Variants in ZAN observed in about 807,000 individuals in gnomAD.
ZAN encodes the protein zonadhesin, also known as zonadhesin (gene/pseudogene).
Under a neutral mutation model 286.2 loss-of-function variants are expected in ZAN, and 260 were observed. The ratio of observed to expected loss-of-function variants is 0.91; its 90% CI spans 0.82 to 1.01. The LOEUF is 1.01. Among genes scored for constraint, ZAN ranks in the 50% least tolerant of loss-of-function variants. ZAN has a pLI of 0.00. For synonymous variants in ZAN, 1,368 were observed against 1,417.5 expected, an observed-to-expected ratio of 0.97 and a Z score of 0.79; for missense variants, 3,410 against 3,639.2, an observed-to-expected ratio of 0.94 and a Z score of 1.62.
intron 7 of ZAN, among the ~76,000 whole-genome samples, chr7:100,744,869 G>GT (rs147306368): frequency 0.045 from 6,357 of 141,898 alleles, 409 homozygotes; most frequent in East Asian, 0.15. Flanking sequence ...GGTCTCCTTG[G>GT]TTTTTTTTTT....
At position 100,773,475 on chromosome 7, in the gene ZAN, A is replaced by G. The variant is rs1356387848; in HGVS notation, c.5616A>G (p.Pro1872=). The G allele has an allele frequency of 6.2e-7, 1 of 1,613,582 alleles. No individual in the cohort carries two copies. The highest frequency in any genetic ancestry group is 8.5e-7 in the Non-Finnish European group (1 of 1,179,862). Residue 1872 remains proline (P), a synonymous_variant, in exon 30 of 48, where the codon CCA becomes CCG. Coordinates refer to ENST00000613979, the MANE Select transcript of ZAN (RefSeq NM_003386.3). ...TTGGCCAGTGTGGCTGCACTGACCCAGCGGGCTCCTACCACCCGGTGAGAG... is the reference window on the plus strand; with the variant it reads ...TTGGCCAGTGTGGCTGCACTGACCCGGCGGGCTCCTACCACCCGGTGAGAG... ...VPLGQCGCTD[P]AGSYHPVGER...
At chr7:100,797,543 T>TG (rs771661769) in intron 46 of ZAN, 34 bp from the exon 47 acceptor site, 1 of 1,613,614 alleles carries the variant, frequency 6.2e-7, no homozygotes, top group African/African-American at 1.3e-5. Context: ...AAGGGCCACT[T>TG]GGGGACCCAT....
Position 100,736,611 on chromosome 7 carries a change from G to A in ZAN, c.235G>A (p.Gly79Arg), listed in dbSNP as rs774557339. The change falls in exon 4 of 48, where the codon GGG becomes AGG. Residue 79 changes from glycine (G) to arginine (R), a missense_variant. Around this residue, in one of 7 missense-constraint regions of ZAN, gnomAD observed 872 missense variants for 938.9 expected, o/e 0.93. Coordinates refer to ENST00000613979, the MANE Select transcript of ZAN (RefSeq NM_003386.3). ...PSPTGSTGAP[G>R]GYPNGEGSYL... ...TCCCACCGGCTCCACCGGGGCCCCCGGGGGGTACCCTAACGGAGGTGAGGG... is the reference window on the plus strand; with the variant it reads ...TCCCACCGGCTCCACCGGGGCCCCCAGGGGGTACCCTAACGGAGGTGAGGG... 139 of 1,522,396 alleles carry A rather than the reference G, an allele frequency of 9.1e-5. 25 individuals are homozygous for A. The highest frequency in any genetic ancestry group is 1.2e-4 in the Non-Finnish European group (132 of 1,107,258). 94.3% of individuals were successfully genotyped at this position (1,522,396 alleles called of 1,614,324 possible). A position where few individuals can be genotyped will look rare whatever the true frequency, so the allele number is the denominator to read the frequency against.
intron 35 of ZAN, among the ~76,000 whole-genome samples, chr7:100,782,681 T>G (rs71557205): frequency 0.044 from 4,395 of 100,064 alleles, 83 homozygotes; most frequent in Middle Eastern, 0.1. Flanking sequence ...TGGGTTTTTT[T>G]TGTGTGTGTG....
Position 100,773,869 on chromosome 7 carries a change from G to C in ZAN, c.5779+4G>C. The C allele has an allele frequency of 6.3e-7, 1 of 1,599,088 alleles. No individual in the cohort carries two copies. On this transcript the variant is annotated splice_donor_region_variant and intron_variant, in intron 31 of 47. Transcript: ENST00000613979. ...CTGCTCCATTGTCGGGCCTCAGGTA[G>C]GAGGACCACGGTGATGGGGGGACTC...
At chr7:100,758,725 G>T in intron 17 of ZAN, 75 bp downstream of exon 17, 1 of 1,523,842 alleles carries the variant, frequency 6.6e-7, no homozygotes, top group South Asian at 1.2e-5. Context: ...GGCATGGTGG[G>T]TGGCAGGAAG....
chr7:100,773,698 C>G, intron 30 of ZAN, 23 bp from the exon 31 acceptor site: 5 of 1,601,216 alleles, frequency 3.1e-6, no homozygotes, highest in Non-Finnish European at 4.3e-6. Context: ...TCTGTTGGCT[C>G]AGCTGATCCC....
At chr7:100,734,730 G>A (rs1237958841) in intron 2 of ZAN, among the ~76,000 whole-genome samples, 1 of 140,930 alleles carries the variant, frequency 7.1e-6, no homozygotes, top group Non-Finnish European at 1.6e-5. Flanking sequence ...TTCTGGGAGC[G>A]GGACAGGGCT....
chr7:100,780,893 C>T (rs1584618606), intron 35 of ZAN, among the ~76,000 whole-genome samples: 1 of 151,524 alleles, frequency 6.6e-6, no homozygotes, highest in Non-Finnish European at 1.5e-5. Flanking sequence ...AGTTTGAGAC[C>T]AACCTGGGCA....
intron 25 of ZAN, among the ~76,000 whole-genome samples, chr7:100,767,475 T>G (rs1400461037): frequency 7.2e-6 from 1 of 139,570 alleles, no homozygotes; most frequent in Non-Finnish European, 1.6e-5. Flanking sequence ...CCGTTTTTTT[T>G]TTTTTTTTTT....
chr7:100,777,158 C>G (rs1202656791), intron 34 of ZAN, among the ~76,000 whole-genome samples: 1 of 151,502 alleles, frequency 6.6e-6, no homozygotes, highest in Non-Finnish European at 1.5e-5. Context: ...ATACTCCTGC[C>G]TCAGCCTCCC....
chr7:100,761,118 T>A (rs1809543519), intron 19 of ZAN, among the ~76,000 whole-genome samples: 1 of 152,100 alleles, frequency 6.6e-6, no homozygotes, highest in African/African-American at 2.4e-5. Context: ...TGTCTCGAAC[T>A]CCTGACTTCA....
At chr7:100,747,879 C>T (rs1808338293) in intron 9 of ZAN, among the ~76,000 whole-genome samples, 1 of 151,480 alleles carries the variant, frequency 6.6e-6, no homozygotes, top group Admixed American at 6.6e-5. Context: ...GTAGTCCCAG[C>T]TACTAGGGAG....
rs74437616 is a variant in ZAN, at chr7:100,764,196, C to G, written c.4267C>G (p.Pro1423Ala). The G allele has an allele frequency of 6.5e-7, 1 of 1,546,618 alleles. No homozygotes were observed. Among genetic ancestry groups the G allele is most frequent in the Non-Finnish European group, 8.7e-7 (1 of 1,146,792 alleles). Residue 1423 changes from proline to alanine, a missense_variant and splice_region_variant, in exon 22 of 48, where the codon CCA becomes GCA. Physicochemically the swap from Pro to Ala is conservative, Grantham distance 27. This residue lies in a region of ZAN where 1,042 missense variants were observed against 1,058.0 expected (regional missense o/e 0.98). Coordinates refer to ENST00000613979, the MANE Select transcript of ZAN (RefSeq NM_003386.3). ...VKPWREPHFC[P>A]MACPPNSKYS... The stretch of plus-strand genomic sequence containing the variant: ...GCCCTGGAGGGAACCCCACTTCTGC[C>G]GTGAGTTGTGCCAAACTCAGAGGAG...
In ZAN at chr7:100,755,301, G is replaced by A; in HGVS notation, c.3200G>A (p.Gly1067Glu). Residue 1067 changes from glycine to glutamate, a missense_variant, in exon 15 of 48, where the codon GGG becomes GAG. Gly to Glu is a moderately conservative substitution (Grantham distance 98, BLOSUM62 -2). Transcript: ENST00000613979. Reference protein sequence around the residue: ...ASCKSPRPSCGPLCREGCVCN... With the variant: ...ASCKSPRPSCEPLCREGCVCN... ...TGCAAGAGCCCCAGGCCTAGCTGTG[G>A]GCCCCTCTGTCGGGAGGGCTGTGTC... is the stretch of plus-strand genomic sequence containing the variant. 1 of 1,613,854 alleles carries A rather than the reference G, an allele frequency of 6.2e-7. No homozygotes were observed. Among genetic ancestry groups the A allele is most frequent in the Non-Finnish European group, 8.5e-7 (1 of 1,179,868 alleles).
chr7:100,742,738 C>G (rs1411963204), intron 7 of ZAN, among the ~76,000 whole-genome samples: 1,555 of 61,228 alleles, frequency 0.025, 176 homozygotes, highest in African/African-American at 0.095. Flanking sequence ...TGCCTGCAAT[C>G]GCAGGCACTC....
chr7:100,776,661 C>G (rs543167818), intron 34 of ZAN, 97 bp downstream of exon 34: 1 of 875,700 alleles, frequency 1.1e-6, no homozygotes, highest in African/African-American at 1.8e-5. Context: ...CTCCCCTCCC[C>G]TCCCCTTCCT....
rs1057048159 is a variant in ZAN, at chr7:100,763,363, T to TTTTG, written c.3987-423_3987-420dup. Reference sequence around the variant, plus strand: ...GTTCTTTCAGTTGCTCAATATTCTTTTTTGTTTGTTTGTTTGTTTGTTTTT... The same window carrying TTTTG: ...GTTCTTTCAGTTGCTCAATATTCTTTTTTGTTTGTTTGTTTGTTTGTTTGTTTTT... On this transcript the variant is annotated intron_variant, in intron 20 of 47. Transcript: ENST00000613979. The surrounding 1 kb of genome is among the most constrained non-coding windows in gnomAD (Gnocchi z 4.6). Among the ~76,000 whole-genome samples the TTTTG allele has an allele frequency of 3.9e-5, 6 of 151,998 alleles. No individual in the cohort carries two copies. The highest frequency in any genetic ancestry group is 2.1e-4 in the South Asian group (1 of 4,800).
intron 39 of ZAN, 44 bp from the exon 40 acceptor site, chr7:100,790,898 A>AC: frequency 6.8e-7 from 1 of 1,481,150 alleles, no homozygotes; most frequent in Non-Finnish European, 9.0e-7. Flanking sequence ...AAAAAAAAAA[A>AC]AGAGTGAGGA....
Sources: allele counts gnomAD v4.1 joint callset (sites outside exome capture counted in the v4.1 genomes callset), GRCh38; gene constraint gnomAD v4.1.1; regional missense constraint gnomAD v4.1.1; non-coding constraint Gnocchi (gnomAD v3.1); transcripts MANE v1.5; gene names NCBI Gene and HGNC (gene_info 2026-07-23, HGNC 2026-07-21).